The following ECE1 variants were observed in gnomAD, a reference collection of about 807,000 sequenced individuals.
The protein encoded by ECE1 is endothelin-converting enzyme 1.
Under a neutral mutation model 98.6 loss-of-function variants are expected in ECE1, and 35 were observed. The ratio of observed to expected loss-of-function variants is 0.35; its 90% confidence interval spans 0.27 to 0.47. The LOEUF (loss-of-function observed/expected upper bound fraction) is 0.47. Ranked by LOEUF, ECE1 falls within the 20% of genes least tolerant of loss-of-function variation. ECE1 has a pLI of 1.00. For missense variants in ECE1, 814 were observed against 1,025.3 expected, an observed-to-expected ratio of 0.79 and a Z score of 2.81; for synonymous variants, 394 against 407.1, an observed-to-expected ratio of 0.97 and a Z score of 0.39.
chr1:21,219,415 A>C lies in ECE1; in HGVS notation c.*540T>G, dbSNP rs2098164600. On this transcript the variant is annotated 3_prime_UTR_variant, in exon 19 of 19. Coordinates refer to ENST00000374893, the MANE Select transcript of ECE1 (RefSeq NM_001397.3). The surrounding 1 kb of genome is among the most constrained non-coding windows in gnomAD (Gnocchi z 4.5). ...GATTTGGAGACTTGCTCTGTGGCCC[A>C]GGGATCCGTGCCTCAGCCCAGCCTC... 1 of 160,760 alleles carries C rather than the reference A, an allele frequency of 6.2e-6. No homozygotes were observed. The allele number at this position is 160,760 out of a possible 1,614,324, so 10.0% of individuals were successfully genotyped here. A position where few individuals can be genotyped will look rare whatever the true frequency, so the allele number is the denominator to read the frequency against.
At chr1:21,262,223 T>C (rs2098227929) in intron 4 of ECE1, among the ~76,000 whole-genome samples, 1 of 151,950 alleles carries the variant, frequency 6.6e-6, no homozygotes, top group Non-Finnish European at 1.5e-5. Flanking sequence ...AACGAGGGGC[T>C]ATGGAGGGTT....
intron 1 of ECE1, among the ~76,000 whole-genome samples, chr1:21,338,476 G>GTA (rs1426210734): frequency 6.6e-6 from 1 of 152,204 alleles, no homozygotes; most frequent in African/African-American, 2.4e-5. Context: ...GAGCTCAAAG[G>GTA]GGTTAGGTGC....
intron 1 of ECE1, among the ~76,000 whole-genome samples, chr1:21,297,455 T>C (rs1638384547): frequency 6.6e-6 from 1 of 151,932 alleles, no homozygotes; most frequent in South Asian, 2.1e-4. Flanking sequence ...CCTGACCCCC[T>C]TGATCTCCTA....
Position 21,227,952 on chromosome 1 carries a change from A to T in ECE1, c.1760T>A (p.Phe587Tyr). The T allele has an allele frequency of 6.4e-7, 1 of 1,554,958 alleles. No homozygotes were observed. ...CTACTTGGGTGAGGAGCGTGTGTAGAATGGTGCCTGCAGGATCCCGGCCGG... is the reference window on the plus strand; with the variant it reads ...CTACTTGGGTGAGGAGCGTGTGTAGTATGGTGCCTGCAGGATCCCGGCCGG... ...VFPAGILQAP[F>Y]YTRSSPKALN... The change falls in exon 15 of 19, where the codon TTC becomes TAC. Residue 587 changes from phenylalanine to tyrosine, a missense_variant. Phe to Tyr is a conservative substitution (Grantham distance 22). Around this residue, in one of 3 missense-constraint regions of ECE1, gnomAD observed 452 missense variants for 567.3 expected, o/e 0.80. Coordinates refer to ENST00000374893, the MANE Select transcript of ECE1 (RefSeq NM_001397.3).
chr1:21,282,588 G>GA (rs34279756), intron 2 of ECE1, among the ~76,000 whole-genome samples: 41,015 of 119,964 alleles, frequency 0.34, 9,400 homozygotes, highest in African/African-American at 0.67. Flanking sequence ...ACGCTGTCTT[G>GA]AAAAAAAAAA....
chr1:21,315,932 C>G lies in ECE1; in HGVS notation c.4-25776G>C, dbSNP rs149286815. 7.2e-5 allele frequency among the ~76,000 whole-genome samples: 11 copies of G among 152,196 alleles called. No individual in the cohort carries two copies. In the East Asian group the frequency reaches 2.1e-3, roughly 29 times the overall value. On this transcript the variant is annotated intron_variant, in intron 1 of 18. Transcript: ENST00000415912. ...TGGAGTCAGTCAACCTGGGTACCGG[C>G]TGTAGGACCTTAAGAATGGGACTTA...
At chr1:21,325,521 C>T (rs1639059049) in intron 1 of ECE1, among the ~76,000 whole-genome samples, 1 of 152,248 alleles carries the variant, frequency 6.6e-6, no homozygotes, top group Non-Finnish European at 1.5e-5. Flanking sequence ...TGGTCTTTTT[C>T]AGCCACAAGC....
chr1:21,241,400 C>T (rs1173563109), intron 10 of ECE1, among the ~76,000 whole-genome samples: 1 of 151,502 alleles, frequency 6.6e-6, no homozygotes, highest in African/African-American at 2.4e-5. Flanking sequence ...AAAGGGATCA[C>T]CCAGGGAGTA....
At chr1:21,234,011 G>A (rs2098185069) in intron 13 of ECE1, among the ~76,000 whole-genome samples, 1 of 151,792 alleles carries the variant, frequency 6.6e-6, no homozygotes, top group African/African-American at 2.4e-5. Context: ...TTTTGAGACG[G>A]GAATCTTGAT....
At chr1:21,248,920 C>G (rs1028548828) in intron 8 of ECE1, among the ~76,000 whole-genome samples, 2 of 152,122 alleles carry the variant, frequency 1.3e-5, no homozygotes, top group Non-Finnish European at 2.9e-5. Context: ...GCCACCCCAC[C>G]TGGCCAGAGC....
At chr1:21,306,336 T>G (rs565044723) in intron 1 of ECE1, among the ~76,000 whole-genome samples, 11 of 151,778 alleles carry the variant, frequency 7.2e-5, no homozygotes, top group Non-Finnish European at 1.6e-4. Context: ...TTTTTTTGTT[T>G]TTTTTTTTTT....
chr1:21,265,576 A>G (rs1041990784), intron 4 of ECE1, among the ~76,000 whole-genome samples: 6 of 152,088 alleles, frequency 3.9e-5, no homozygotes, highest in Non-Finnish European at 8.8e-5. Flanking sequence ...CCTTTTTCTG[A>G]ATAAGAAAAA....
chr1:21,242,402 G>C (rs567221685), intron 10 of ECE1, among the ~76,000 whole-genome samples: 1 of 152,200 alleles, frequency 6.6e-6, no homozygotes, highest in Non-Finnish European at 1.5e-5. Context: ...GTGAGGTGAG[G>C]TCAGGAGTGA....
At position 21,256,085 on chromosome 1, in the gene ECE1, G is replaced by T. The variant is rs776334883; in HGVS notation, c.882C>A (p.Gly294=). ...GGGGCCGGATGGCCTCCTCGTCCCC[G>T]CCGCCCAGCAGCTTCCCCAGCTGGA... is the stretch of plus-strand genomic sequence containing the variant. ...YMVQLGKLLG[G]GDEEAIRPQM... The change falls in exon 8 of 19, where the codon GGC becomes GGA. Residue 294 remains glycine (G), a synonymous_variant. Transcript: ENST00000374893. 2 of 1,609,740 alleles carry T rather than the reference G, an allele frequency of 1.2e-6. No individual in the cohort carries two copies. The highest frequency in any genetic ancestry group is 1.7e-6 in the Non-Finnish European group (2 of 1,176,226).
intron 3 of ECE1, among the ~76,000 whole-genome samples, chr1:21,275,768 G>C (rs1468827963): frequency 6.6e-6 from 1 of 152,186 alleles, no homozygotes; most frequent in Non-Finnish European, 1.5e-5. Flanking sequence ...AGTGCTTCAT[G>C]CATTTTGATG....
At chr1:21,325,858 C>T (rs3026825) in intron 1 of ECE1, among the ~76,000 whole-genome samples, 5,617 of 152,296 alleles carry the variant, frequency 0.037, 133 homozygotes, top group Non-Finnish European at 0.054. Flanking sequence ...GGGAGTCCTG[C>T]CTACTGTCCC....
rs1437120578 is a variant in ECE1, at chr1:21,218,984, C to G, written c.*971G>C. ...GGGACTGCTGCAGAGAGGTAACGGG[C>G]CCCTGAGATAGACATGGGACAGCCC... On this transcript the variant is annotated 3_prime_UTR_variant, in exon 19 of 19. Transcript: ENST00000374893. The surrounding 1 kb of genome is among the most constrained non-coding windows in gnomAD (Gnocchi z 4.0). 6.6e-6 allele frequency: 1 copy of G among 152,286 alleles called. No individual in the cohort carries two copies. The highest frequency in any genetic ancestry group is 1.5e-5 in the Non-Finnish European group (1 of 68,176). The allele number at this position is 152,286 out of a possible 1,614,324, so 9.4% of individuals were successfully genotyped here.
At chr1:21,302,297 G>A (rs1041692271) in intron 1 of ECE1, among the ~76,000 whole-genome samples, 2 of 152,146 alleles carry the variant, frequency 1.3e-5, no homozygotes, top group Non-Finnish European at 1.5e-5. Flanking sequence ...CCCTTGCTGT[G>A]CACCAGGGTG....
At chr1:21,295,962 C>T (rs190868429) in intron 1 of ECE1, among the ~76,000 whole-genome samples, 39 of 152,236 alleles carry the variant, frequency 2.6e-4, no homozygotes, top group African/African-American at 8.9e-4. Context: ...TGCCTGGCAT[C>T]CAGCAGCCCA....
Sources: gnomAD v4.1 joint callset for allele counts (sites outside exome capture counted in the v4.1 genomes callset) on GRCh38, gnomAD v4.1.1 for gene constraint, gnomAD v4.1.1 regional missense constraint, Gnocchi (gnomAD v3.1) non-coding constraint, MANE v1.5 for transcripts, NCBI Gene and HGNC (gene_info 2026-07-23, HGNC 2026-07-21) for gene names.